The following LRPPRC variants were observed in gnomAD, a reference collection of about 807,000 sequenced individuals.
LRPPRC encodes leucine rich pentatricopeptide repeat containing.
LRPPRC carries 120 observed loss-of-function variants against 180.3 expected under a neutral mutation model. The observed-to-expected ratio is 0.67, with a 90% CI of 0.57 to 0.77. The LOEUF is 0.77. Ranked by LOEUF, LRPPRC falls within the 30% of genes least tolerant of loss-of-function variation. LRPPRC has a pLI of 0.00. For synonymous variants in LRPPRC, 723 were observed against 600.0 expected (o/e 1.21, Z -3.00); for missense variants, 2,012 against 1,657.2 (o/e 1.21, Z -3.72).
intron 27 of LRPPRC, among the ~76,000 whole-genome samples, chr2:43,923,220 T>C (rs1408630562): frequency 6.7e-6 from 1 of 148,534 alleles, no homozygotes; most frequent in South Asian, 2.1e-4. Context: ...GGCTCATGCC[T>C]GTAATCCCAG....
chr2:43,915,224 TCTCTCTCTCACACACACACACACACA>T (rs1386520430), intron 29 of LRPPRC, among the ~76,000 whole-genome samples: 8 of 99,590 alleles, frequency 8.0e-5, no homozygotes, highest in African/African-American at 2.8e-4. Flanking sequence ...TCTCTCTCTC[TCTCTCTCTCACACACACACACACACA>T]CACACACACA....
rs1210634488 is a variant in LRPPRC at position 43,889,756 on chromosome 2, G to A, written c.4106C>T (p.Pro1369Leu). The A allele has an allele frequency of 1.4e-5, 22 of 1,613,184 alleles. No individual in the cohort carries two copies. The highest frequency in any genetic ancestry group is 1.8e-5 in the Non-Finnish European group (21 of 1,179,230). ...YASLLKYAGE[P>L]VPFIEPPESF... The stretch of plus-strand genomic sequence containing the variant: ...CACAGGGGGTTCAATGAAAGGGACA[G>A]GCTCTCCAGCATACTTCAGCAAAGA... The change falls in exon 37 of 38, where the codon CCT (proline) becomes CTT (leucine). Residue 1369 changes from proline to leucine, a missense_variant. Pro to Leu is a moderately conservative substitution (Grantham distance 98). Transcript: ENST00000260665.
At chr2:43,991,003 G>A (rs1033790554) in intron 1 of LRPPRC, among the ~76,000 whole-genome samples, 2 of 150,930 alleles carry the variant, frequency 1.3e-5, no homozygotes, top group Non-Finnish European at 2.9e-5. Flanking sequence ...GGGCCACCAC[G>A]CCTGGCTAAC....
intron 12 of LRPPRC, among the ~76,000 whole-genome samples, chr2:43,961,050 G>A (rs544888908): frequency 6.6e-6 from 1 of 151,974 alleles, no homozygotes; most frequent in African/African-American, 2.4e-5. Context: ...TTAAATATAT[G>A]AGTCAAAATT....
At chr2:43,933,129 C>G (rs764542092) in intron 25 of LRPPRC, among the ~76,000 whole-genome samples, 4 of 152,144 alleles carry the variant, frequency 2.6e-5, no homozygotes, top group African/African-American at 9.7e-5. Context: ...CAAGATAGCA[C>G]GATAGCATGC....
At position 43,947,720 on chromosome 2, in the gene LRPPRC, A is replaced by C; in HGVS notation, c.1965+11T>G. 6.6e-7 allele frequency: 1 copy of C among 1,517,754 alleles called. No homozygotes were observed. Among genetic ancestry groups the C allele is most frequent in the Non-Finnish European group, 9.2e-7 (1 of 1,092,638 alleles). The allele number at this position is 1,517,754 out of a possible 1,614,324, so 94.0% of individuals were successfully genotyped here. The stretch of plus-strand genomic sequence containing the variant: ...TTATAGCATGTAGAATCTAGTCAAA[A>C]TCCTACTTACTTTTTGAAAGTCTAA... On this transcript the variant is annotated intron_variant, in intron 19 of 37. Coordinates refer to ENST00000260665, the MANE Select transcript of LRPPRC (RefSeq NM_133259.4).
Position 43,889,091 on chromosome 2 carries a change from C to T in LRPPRC, c.4129-435G>A, listed in dbSNP as rs189496254. ...CGGCACTTTGGGAGGCCGAGGTGGG[C>T]GGATCACGAGGTCAGCAGTTCAAGA... is the stretch of plus-strand genomic sequence containing the variant. On this transcript the variant is annotated intron_variant, in intron 37 of 37. Transcript: ENST00000260665. Among the ~76,000 whole-genome samples, 843 of 152,082 alleles carry T rather than the reference C, an allele frequency of 5.5e-3. 4 individuals are homozygous for T. The highest frequency in any genetic ancestry group is 0.017 in the Middle Eastern group (5 of 294).
In LRPPRC at chr2:43,986,754, G is replaced by C. The variant is rs116737491; in HGVS notation, c.150-4320C>G. ...GAACTCAACGTGGCAAAAGGGCATT[G>C]AAGAAACTAATCTGGCTGCAATTGG... is the stretch of plus-strand genomic sequence containing the variant. On this transcript the variant is annotated intron_variant, in intron 1 of 37. Transcript: ENST00000260665. Among the ~76,000 whole-genome samples the C allele has an allele frequency of 5.9e-3, 904 of 152,322 alleles. 9 individuals are homozygous for C. Among genetic ancestry groups the C allele is most frequent in the African/African-American group, 0.021 (860 of 41,580 alleles).
At chr2:43,950,926 C>T (rs570262348) in intron 14 of LRPPRC, among the ~76,000 whole-genome samples, 10 of 152,236 alleles carry the variant, frequency 6.6e-5, no homozygotes, top group East Asian at 5.8e-4. Flanking sequence ...AAAAATTAGC[C>T]GGGAGTGTTG....
chr2:43,966,348 T>C (rs895640750), intron 11 of LRPPRC, among the ~76,000 whole-genome samples: 3 of 152,088 alleles, frequency 2.0e-5, no homozygotes, highest in African/African-American at 4.8e-5. Flanking sequence ...AAATAAGTTC[T>C]GGACACAATG....
In LRPPRC at chr2:43,918,317, A is replaced by C; in HGVS notation, c.2978T>G (p.Leu993Ter). 1 of 1,610,454 alleles carries C rather than the reference A, an allele frequency of 6.2e-7. No homozygotes were observed. The highest frequency in any genetic ancestry group is 2.2e-5 in the East Asian group (1 of 44,834). The change falls in exon 28 of 38, where the codon TTA becomes TGA. Residue 993 changes from leucine (L) to a stop codon, truncating the protein, a stop_gained. Coordinates refer to ENST00000260665, the MANE Select transcript of LRPPRC (RefSeq NM_133259.4). LOFTEE classifies it high-confidence loss of function. The part of the protein sequence containing the change: ...EENVIPREKT[L>*]RLLAEILREG... ...TCTAAGGATTTCTGCTAATAATCTT[A>C]ATGTCTTTTCACGAGGAATAACATT...
chr2:43,922,024 GAAAT>G (rs1671717889), intron 27 of LRPPRC, among the ~76,000 whole-genome samples: 2 of 152,158 alleles, frequency 1.3e-5, no homozygotes, highest in Non-Finnish European at 2.9e-5. Flanking sequence ...TTGTCATATA[GAAAT>G]AATAGAAAAT....
At chr2:43,903,572 A>AGG (rs1415054491) in intron 31 of LRPPRC, 1 of 7,056 alleles carries the variant, frequency 1.4e-4, no homozygotes, top group African/African-American at 6.8e-4. Flanking sequence ...GTGCTCAGGG[A>AGG]GGGGGGTGGG....
intron 11 of LRPPRC, among the ~76,000 whole-genome samples, chr2:43,966,419 T>TC (rs945979981): frequency 4.3e-4 from 65 of 151,942 alleles, no homozygotes; most frequent in African/African-American, 1.5e-3. Flanking sequence ...ACAATATTTT[T>TC]TTTTTTTTGA....
intron 14 of LRPPRC, 66 bp from the exon 15 acceptor site, chr2:43,950,666 A>G (rs1672864065): frequency 2.0e-6 from 2 of 1,004,912 alleles, no homozygotes; most frequent in Non-Finnish European, 3.2e-6. Context: ...CATACTTGTA[A>G]TATGTACAGA....
At chr2:43,930,977 A>G (rs759208373) in intron 25 of LRPPRC, among the ~76,000 whole-genome samples, 1 of 152,210 alleles carries the variant, frequency 6.6e-6, no homozygotes, top group East Asian at 1.9e-4. Context: ...CCATACAAAT[A>G]AAGTATCACT....
chr2:43,979,945 C>T lies in LRPPRC; in HGVS notation c.350G>A (p.Gly117Asp). The T allele has an allele frequency of 1.2e-6, 2 of 1,613,684 alleles. No homozygotes were observed. Among genetic ancestry groups the T allele is most frequent in the Non-Finnish European group, 1.7e-6 (2 of 1,179,766 alleles). The change falls in exon 3 of 38, where the codon GGC becomes GAC. Residue 117 changes from glycine to aspartate, a missense_variant. By Grantham distance (94) the Gly-to-Asp change is moderately conservative. Transcript: ENST00000260665. Reference protein sequence around the residue: ...KVFNDTCRSGGLGGSHALLLL... With the variant: ...KVFNDTCRSGDLGGSHALLLL... ...AAGCAAGGCATGACTACCACCTAGG[C>T]CACCTGTGGAAAAAAGGTTAATGGA...
In LRPPRC at chr2:43,907,642, A is replaced by G. The variant is rs141464052; in HGVS notation, c.3276-1862T>C. 4.6e-5 allele frequency among the ~76,000 whole-genome samples: 7 copies of G among 152,340 alleles called. No individual in the cohort carries two copies. In the East Asian group the frequency reaches 1.3e-3, roughly 29 times the overall value. ...CTAATTTAAATTTAAGCAGTCACAT[A>G]TGACTAGTGGTTACTGAACTGGATA... On this transcript the variant is annotated intron_variant, in intron 30 of 37. Coordinates refer to ENST00000260665, the MANE Select transcript of LRPPRC (RefSeq NM_133259.4).
intron 3 of LRPPRC, among the ~76,000 whole-genome samples, chr2:43,978,054 A>G (rs770732501): frequency 2.0e-5 from 3 of 152,094 alleles, no homozygotes; most frequent in Non-Finnish European, 4.4e-5. Context: ...ATCTTAACAG[A>G]TATGTTTCTT....
Sources: gnomAD v4.1 joint callset for allele counts (sites outside exome capture counted in the v4.1 genomes callset) on GRCh38, gnomAD v4.1.1 for gene constraint, MANE v1.5 for transcripts, NCBI Gene and HGNC (gene_info 2026-07-23, HGNC 2026-07-21) for gene names.